KCNIP4: variants seen among roughly 807,000 people sequenced by gnomAD.
The protein encoded by KCNIP4 is potassium voltage-gated channel interacting protein 4, also known as Kv channel-interacting protein 4.
In KCNIP4, 12 loss-of-function variants were observed where a neutral mutation model predicts 34.0. That is an observed-to-expected ratio of 0.35 (90% CI 0.23 to 0.57). The LOEUF is 0.57. Among genes scored for constraint, KCNIP4 ranks in the 20% least tolerant of loss-of-function variants. The pLI, the probability that KCNIP4 is intolerant of heterozygous loss-of-function variation, is 0.83. For synonymous variants in KCNIP4, 124 were observed against 102.2 expected (o/e 1.21, Z -1.29); for missense variants, 238 against 311.7 (o/e 0.76, Z 1.78).
chr4:21,564,472 TG>T (rs1409264611), intron 1 of KCNIP4, among the ~76,000 whole-genome samples: 4 of 152,084 alleles, frequency 2.6e-5, no homozygotes, highest in Admixed American at 2.0e-4. Context: ...GGATCATAAG[TG>T]GGGGACCTTC....
intron 1 of KCNIP4, among the ~76,000 whole-genome samples, chr4:21,158,759 G>A (rs1242611200): frequency 2.0e-5 from 3 of 151,836 alleles, no homozygotes; most frequent in Non-Finnish European, 4.4e-5. Flanking sequence ...TTACCTGTTC[G>A]AATTGTATAG....
intron 1 of KCNIP4, among the ~76,000 whole-genome samples, chr4:21,856,629 G>A (rs1724776576): frequency 6.6e-6 from 1 of 152,142 alleles, no homozygotes; most frequent in East Asian, 1.9e-4. Context: ...AAGTAGGCAG[G>A]AGCCCCACCT....
intron 1 of KCNIP4, among the ~76,000 whole-genome samples, chr4:21,670,884 C>T (rs1258545181): frequency 6.6e-6 from 1 of 151,798 alleles, no homozygotes; most frequent in Non-Finnish European, 1.5e-5. Context: ...TCTCGATCTC[C>T]TGACCTCGTG....
chr4:21,948,462 GC>G, intron 1 of KCNIP4, 108 bp downstream of exon 1: 5 of 1,229,940 alleles, frequency 4.1e-6, no homozygotes, highest in Non-Finnish European at 5.7e-6. Context: ...GTCTCATGCA[GC>G]GAAGGCAACA....
chr4:21,562,218 A>G (rs918964207), intron 1 of KCNIP4, among the ~76,000 whole-genome samples: 1 of 119,130 alleles, frequency 8.4e-6, no homozygotes, highest in Non-Finnish European at 1.9e-5. Flanking sequence ...CCAAAGGTTT[A>G]ATTTAAAAAA....
intron 1 of KCNIP4, among the ~76,000 whole-genome samples, chr4:21,937,910 T>G (rs182210556): frequency 7.2e-5 from 11 of 152,272 alleles, no homozygotes; most frequent in Non-Finnish European, 1.5e-4. Context: ...ATATTCCCAG[T>G]GTGCAAATGT....
rs141003282 is a variant in KCNIP4 at position 21,404,745 on chromosome 4, T to G, written c.62-522036A>C. Among the ~76,000 whole-genome samples the G allele has an allele frequency of 4.5e-3, 682 of 151,808 alleles. 7 individuals are homozygous for G. Among genetic ancestry groups the G allele is most frequent in the African/African-American group, 0.016 (645 of 41,554 alleles). ...CAATAAGTAAATTGTATACATTATTTTAGTGAGAAAAAAATTCTGGAATGA... is the reference window on the plus strand; with the variant it reads ...CAATAAGTAAATTGTATACATTATTGTAGTGAGAAAAAAATTCTGGAATGA... On this transcript the variant is annotated intron_variant, in intron 1 of 8. Coordinates refer to ENST00000382152, the MANE Select transcript of KCNIP4 (RefSeq NM_025221.6).
At position 20,755,018 on chromosome 4, in the gene KCNIP4, T is replaced by G. The variant is rs185681584; in HGVS notation, c.358+3803A>C. Among the ~76,000 whole-genome samples, 142 of 152,310 alleles carry G rather than the reference T, an allele frequency of 9.3e-4. 1 individual carries two copies. The highest frequency in any genetic ancestry group is 3.2e-3 in the African/African-American group (131 of 41,562). On this transcript the variant is annotated intron_variant, in intron 4 of 8. Transcript: ENST00000382152. The stretch of plus-strand genomic sequence containing the variant: ...AGAAAAACATGAGGTAGTTAATTAA[T>G]TCCCCAAATTAATCTCTCATTAATG...
intron 1 of KCNIP4, among the ~76,000 whole-genome samples, chr4:21,428,414 A>G (rs1435666350): frequency 1.3e-5 from 2 of 152,166 alleles, no homozygotes; most frequent in African/African-American, 2.4e-5. Context: ...ATAAAAGTTA[A>G]GTTTCTTCAA....
intron 1 of KCNIP4, among the ~76,000 whole-genome samples, chr4:21,170,201 C>T (rs1424215576): frequency 2.6e-5 from 4 of 151,994 alleles, no homozygotes; most frequent in African/African-American, 9.7e-5. Context: ...TGTGGAAATA[C>T]TCAAAATTAT....
At chr4:21,286,222 T>C (rs556332726) in intron 1 of KCNIP4, among the ~76,000 whole-genome samples, 78 of 152,322 alleles carry the variant, frequency 5.1e-4, no homozygotes, top group African/African-American at 1.8e-3. Flanking sequence ...TTGGAGTAAA[T>C]AGAATGTTTG....
At position 21,785,827 on chromosome 4, in the gene KCNIP4, T is replaced by C. The variant is rs147132496; in HGVS notation, c.61+162744A>G. On this transcript the variant is annotated intron_variant, in intron 1 of 8. Transcript: ENST00000382152. ...AACAATATTTCATTGTACGGATATGTCACATTTTATTTATCCATTCGTCAG... is the reference window on the plus strand; with the variant it reads ...AACAATATTTCATTGTACGGATATGCCACATTTTATTTATCCATTCGTCAG... 8.4e-3 allele frequency among the ~76,000 whole-genome samples: 1,284 copies of C among 152,334 alleles called. 14 individuals carry two copies. The highest frequency in any genetic ancestry group is 0.028 in the South Asian group (136 of 4,832).
chr4:21,685,515 C>G (rs1249920919), intron 1 of KCNIP4, among the ~76,000 whole-genome samples: 1 of 152,106 alleles, frequency 6.6e-6, no homozygotes, highest in Admixed American at 6.5e-5. Flanking sequence ...GCACTTGTCA[C>G]AATGTAAGGT....
chr4:21,787,085 C>T (rs1215188477), intron 1 of KCNIP4, among the ~76,000 whole-genome samples: 3 of 152,028 alleles, frequency 2.0e-5, no homozygotes, highest in African/African-American at 4.8e-5. Flanking sequence ...TTTGAACACC[C>T]GACATAACAC....
intron 1 of KCNIP4, among the ~76,000 whole-genome samples, chr4:21,581,859 A>G (rs752977649): frequency 7.9e-5 from 12 of 151,930 alleles, no homozygotes; most frequent in Non-Finnish European, 1.3e-4. Flanking sequence ...ATTTACACAG[A>G]ATGTTTTTCA....
chr4:21,823,052 TTAAATA>T (rs1425176760), intron 1 of KCNIP4, among the ~76,000 whole-genome samples: 2 of 152,130 alleles, frequency 1.3e-5, no homozygotes, highest in Non-Finnish European at 2.9e-5. Context: ...AGAGCTAAAC[TTAAATA>T]TAATTTTCCT....
chr4:21,155,038 A>C (rs1753045759), intron 1 of KCNIP4, among the ~76,000 whole-genome samples: 1 of 152,216 alleles, frequency 6.6e-6, no homozygotes, highest in Non-Finnish European at 1.5e-5. Context: ...AAAGAAAAAT[A>C]AAATTTTTAA....
At chr4:21,377,707 A>T (rs1721090143) in intron 1 of KCNIP4, among the ~76,000 whole-genome samples, 1 of 152,178 alleles carries the variant, frequency 6.6e-6, no homozygotes, top group South Asian at 2.1e-4. Flanking sequence ...CATAATAGGA[A>T]GTGATAAAGC....
In KCNIP4 at chr4:20,729,143, A is replaced by G. The variant is rs1052441961; in HGVS notation, c.*939T>C. On this transcript the variant is annotated 3_prime_UTR_variant, in exon 9 of 9. Coordinates refer to ENST00000382152, the MANE Select transcript of KCNIP4 (RefSeq NM_025221.6). ...TGTCCCTGAATGGCTTGTAATATAA[A>G]TAAACATGCTGTAAGGAAGTCAGGG... The G allele has an allele frequency of 6.6e-6, 1 of 152,584 alleles. No individual in the cohort carries two copies. Among genetic ancestry groups the G allele is most frequent in the Non-Finnish European group, 1.5e-5 (1 of 68,022 alleles). The allele number at this position is 152,584 out of a possible 1,614,324, so 9.5% of individuals were successfully genotyped here. A position where few individuals can be genotyped will look rare whatever the true frequency, so the allele number is the denominator to read the frequency against.
Sources: gnomAD v4.1 joint callset for allele counts (sites outside exome capture counted in the v4.1 genomes callset) on GRCh38, gnomAD v4.1.1 for gene constraint, MANE v1.5 for transcripts, NCBI Gene and HGNC (gene_info 2026-07-23, HGNC 2026-07-21) for gene names.